TEX35: variants seen among roughly 807,000 people sequenced by gnomAD.
The protein encoded by TEX35 is testis-expressed protein 35.
TEX35 carries 26 observed loss-of-function variants against 31.9 expected under a neutral mutation model. That is an observed-to-expected ratio of 0.81 (90% CI 0.60 to 1.13). The LOEUF (loss-of-function observed/expected upper bound fraction) is 1.13. Ranked by LOEUF, TEX35 falls within the 50% of genes most tolerant of loss-of-function variation. The pLI is 0.00. For missense variants in TEX35, 278 were observed against 273.5 expected (o/e 1.02, Z -0.12); for synonymous variants, 87 against 90.7 (o/e 0.96, Z 0.23).
chr1:178,522,535 A>G lies in TEX35; in HGVS notation c.*95A>G. 7.4e-7 allele frequency: 1 copy of G among 1,349,662 alleles called. No individual in the cohort carries two copies. The highest frequency in any genetic ancestry group is 9.6e-7 in the Non-Finnish European group (1 of 1,038,646). The allele number at this position is 1,349,662 out of a possible 1,614,324, so 83.6% of individuals were successfully genotyped here. On this transcript the variant is annotated 3_prime_UTR_variant, in exon 9 of 9. Coordinates refer to ENST00000319416, the MANE Select transcript of TEX35 (RefSeq NM_032126.5). The stretch of plus-strand genomic sequence containing the variant: ...CCCTGGGTGTGATTCTTTGGCTTCA[A>G]TTTGAAGGACGAGGAATGATGGGAT...
chr1:178,516,658 T>C lies in TEX35; in HGVS notation c.260T>C (p.Phe87Ser). Reference sequence around the variant, plus strand: ...AAGGATTTTGATAAACTTCACGAATTTGTGGAAATTATGAAGGTAAGCATT... The same window carrying C: ...AAGGATTTTGATAAACTTCACGAATCTGTGGAAATTATGAAGGTAAGCATT... Reference protein sequence around the residue: ...MDKDFDKLHEFVEIMKEMQKD... With the variant: ...MDKDFDKLHESVEIMKEMQKD... Residue 87 changes from phenylalanine to serine, a missense_variant, in exon 5 of 9, where the codon TTT becomes TCT. Physicochemically the swap from Phe to Ser is radical, Grantham distance 155 (BLOSUM62 -2). Transcript: ENST00000319416. The C allele has an allele frequency of 6.2e-7, 1 of 1,612,368 alleles. No homozygotes were observed. Among genetic ancestry groups the C allele is most frequent in the East Asian group, 2.2e-5 (1 of 44,862 alleles).
At chr1:178,513,252 G>A (rs763206857) in intron 1 of TEX35, 25 bp downstream of exon 1, 4 of 1,614,076 alleles carry the variant, frequency 2.5e-6, no homozygotes, top group Non-Finnish European at 2.5e-6. Context: ...TTGCTGGACA[G>A]TGTGGGTCCT....
At chr1:178,516,113 G>A (rs1471379310) in intron 4 of TEX35, among the ~76,000 whole-genome samples, 198 bp downstream of exon 4, 4 of 152,294 alleles carry the variant, frequency 2.6e-5, no homozygotes, top group South Asian at 2.1e-4. Flanking sequence ...AGTGACTGAG[G>A]ACTCCCTAAA....
At position 178,514,810 on chromosome 1, in the gene TEX35, C is replaced by T. The variant is rs923490105; in HGVS notation, c.159+42C>T. The T allele has an allele frequency of 1.1e-5, 17 of 1,566,896 alleles. No individual in the cohort carries two copies. The African/African-American group carries it at 2.0e-4, about 19-fold the overall frequency. ...GGAGGCATGTCTATATTCCAAACCA[C>T]GTGAGTGTAAGTTTTCCCCAAATCC... On this transcript the variant is annotated intron_variant, in intron 3 of 8. Transcript: ENST00000319416.
At chr1:178,516,484 C>A in intron 4 of TEX35, 131 bp from the exon 5 acceptor site, 1 of 719,486 alleles carries the variant, frequency 1.4e-6, no homozygotes, top group East Asian at 2.6e-5. Context: ...GAAAGTGGCT[C>A]TAACAGGCCA....
intron 6 of TEX35, 34 bp downstream of exon 6, chr1:178,520,470 C>T (rs2101897484): frequency 6.2e-7 from 1 of 1,614,132 alleles, no homozygotes; most frequent in Admixed American, 1.7e-5. Context: ...CTCCTCATCC[C>T]TAAAGGGTCT....
intron 5 of TEX35, among the ~76,000 whole-genome samples, chr1:178,519,569 G>T (rs1195555700): frequency 2.0e-5 from 3 of 152,138 alleles, no homozygotes; most frequent in Non-Finnish European, 4.4e-5. Context: ...TTTCAAGAAG[G>T]TATTTTATGA....
At position 178,522,339 on chromosome 1, in the gene TEX35, G is replaced by A; in HGVS notation, c.601G>A (p.Glu201Lys). 6.2e-7 allele frequency: 1 copy of A among 1,600,640 alleles called. No individual in the cohort carries two copies. Among genetic ancestry groups the A allele is most frequent in the Non-Finnish European group, 8.5e-7 (1 of 1,172,772 alleles). The change falls in exon 9 of 9, where the codon GAG becomes AAG. Residue 201 changes from glutamate to lysine, a missense_variant. Glu to Lys is a moderately conservative substitution (Grantham distance 56, BLOSUM62 1). Transcript: ENST00000319416. Reference sequence around the variant, plus strand: ...CACCCCCAAAGGGAACATTCCTTCAGAGGCCTCAGGCCTTTACAAAGGTGG... The same window carrying A: ...CACCCCCAAAGGGAACATTCCTTCAAAGGCCTCAGGCCTTTACAAAGGTGG... ...NNYNRGNIPS[E>K]ASGLYKGGEE...
Position 178,515,871 on chromosome 1 carries a change from G to A in TEX35, c.172G>A (p.Glu58Lys). Residue 58 changes from glutamate to lysine, a missense_variant, in exon 4 of 9, where the codon GAA becomes AAA. Transcript: ENST00000319416. Reference protein sequence around the residue: ...VTQDLKNELREVREELKEKME... With the variant: ...VTQDLKNELRKVREELKEKME... ...TTTATTTCCTCAGAATGAACTCAGG[G>A]AAGTGAGAGAAGAGCTCAAGGAGAA... 1 of 1,612,134 alleles carries A rather than the reference G, an allele frequency of 6.2e-7. No individual in the cohort carries two copies. The highest frequency in any genetic ancestry group is 8.5e-7 in the Non-Finnish European group (1 of 1,178,794).
chr1:178,516,361 G>A (rs1183195036), intron 4 of TEX35, among the ~76,000 whole-genome samples: 1 of 152,240 alleles, frequency 6.6e-6, no homozygotes, highest in Non-Finnish European at 1.5e-5. Flanking sequence ...CGAAGCTGTG[G>A]TTCAAGCTCC....
At chr1:178,523,422 A>G, downstream of TEX35, 1 of 494,636 alleles carries the variant, frequency 2.0e-6, no homozygotes, top group Non-Finnish European at 3.6e-6. Context: ...CCAACAGTGT[A>G]CAAAGATTCC....
rs1459647075 is a variant in TEX35 at position 178,522,416 on chromosome 1, A to G, written c.678A>G (p.Pro226=). The G allele has an allele frequency of 1.9e-6, 3 of 1,602,402 alleles. No homozygotes were observed. Among genetic ancestry groups the G allele is most frequent in the East Asian group, 2.2e-5 (1 of 44,708 alleles). ...CTGTGGGCCACGCTGTGCCTGCCCC[A>G]AAGTCCCAGACTGAGGGAAGGTGAA... is the stretch of plus-strand genomic sequence containing the variant. The part of the protein sequence containing the change: ...QPSVGHAVPA[P]KSQTEGR Residue 226 remains proline, a synonymous_variant, in exon 9 of 9, where the codon CCA becomes CCG. Coordinates refer to ENST00000319416, the MANE Select transcript of TEX35 (RefSeq NM_032126.5).
At chr1:178,521,852 T>C in intron 8 of TEX35, 1 of 1,495,590 alleles carries the variant, frequency 6.7e-7, no homozygotes, top group Non-Finnish European at 8.9e-7. Context: ...AAAACTTGAG[T>C]GTGTGGAGGT....
intron 2 of TEX35, 183 bp downstream of exon 2, chr1:178,514,260 A>G (rs764034413): frequency 5.9e-6 from 9 of 1,513,264 alleles, no homozygotes; most frequent in Non-Finnish European, 8.0e-6. Flanking sequence ...ATAAACGAAC[A>G]AGGACTCATT....
intron 4 of TEX35, 67 bp downstream of exon 4, chr1:178,515,982 G>A (rs1282444472): frequency 4.0e-5 from 50 of 1,242,752 alleles, no homozygotes; most frequent in Admixed American, 1.6e-4. Flanking sequence ...CAATCCTTAA[G>A]TTTGAATAGT....
chr1:178,519,456 TTGACTC>T (rs1206925654), intron 5 of TEX35, among the ~76,000 whole-genome samples: 1 of 152,172 alleles, frequency 6.6e-6, no homozygotes, highest in African/African-American at 2.4e-5. Context: ...ATGGGACATT[TTGACTC>T]TGATGTTTTG....
In TEX35 at chr1:178,521,576, G is replaced by C. The variant is rs1650278719; in HGVS notation, c.586+312G>C. On this transcript the variant is annotated intron_variant, in intron 8 of 8. Transcript: ENST00000319416. Reference sequence around the variant, plus strand: ...CATCCAGTGGGAAATATTCACACCAGGTCTGGGCACCCTTTTCACCCTTGG... The same window carrying C: ...CATCCAGTGGGAAATATTCACACCACGTCTGGGCACCCTTTTCACCCTTGG... 5 of 1,519,304 alleles carry C rather than the reference G, an allele frequency of 3.3e-6. No homozygotes were observed. In the East Asian group the frequency reaches 1.2e-4, roughly 37 times the overall value. 94.1% of individuals were successfully genotyped at this position (1,519,304 alleles called of 1,614,324 possible).
intron 1 of TEX35, among the ~76,000 whole-genome samples, chr1:178,513,430 G>A (rs1364074220): frequency 2.6e-5 from 4 of 152,230 alleles, no homozygotes; most frequent in African/African-American, 9.6e-5. Flanking sequence ...AGAGGCCTCT[G>A]CTGCCTCCCT....
chr1:178,521,205 G>C lies in TEX35; in HGVS notation c.544-17G>C, dbSNP rs763854246. ...AGGGGAAATTGATCTTTCTTGTGCC[G>C]TTTCTGTCCTCTGCAGGAGAAATGT... On this transcript the variant is annotated splice_polypyrimidine_tract_variant and intron_variant, in intron 7 of 8. Coordinates refer to ENST00000319416, the MANE Select transcript of TEX35 (RefSeq NM_032126.5). The C allele has an allele frequency of 1.2e-6, 2 of 1,614,156 alleles. No individual in the cohort carries two copies. The highest frequency in any genetic ancestry group is 2.2e-5 in the South Asian group (2 of 91,082).
Sources: allele counts gnomAD v4.1 joint callset (sites outside exome capture counted in the v4.1 genomes callset), GRCh38; gene constraint gnomAD v4.1.1; transcripts MANE v1.5; gene names NCBI Gene and HGNC (gene_info 2026-07-23, HGNC 2026-07-21).